MAP3K2: variants seen among roughly 807,000 people sequenced by gnomAD.
MAP3K2 encodes the protein MAP/ERK kinase kinase 2.
MAP3K2 carries 24 observed loss-of-function variants against 80.3 expected under a neutral mutation model. The observed-to-expected ratio is 0.30, with a 90% CI of 0.22 to 0.42. MAP3K2 has a LOEUF of 0.42. Ranked by LOEUF, MAP3K2 falls within the 10% of genes least tolerant of loss-of-function variation. The pLI is 1.00. For missense variants in MAP3K2, 608 were observed against 750.1 expected, an observed-to-expected ratio of 0.81 and a Z score of 2.21; for synonymous variants, 244 against 253.7, an observed-to-expected ratio of 0.96 and a Z score of 0.36.
In MAP3K2 at chr2:127,340,532, C is replaced by CT. The variant is rs1425133106; in HGVS notation, c.5-1483dup. ...ATTAGCCAGGCATGGTGGCAGGTGCCTGTAGTCCCAGCTACTTGGGAGGCT... is the reference window on the plus strand; with the variant it reads ...ATTAGCCAGGCATGGTGGCAGGTGCCTTGTAGTCCCAGCTACTTGGGAGGCT... On this transcript the variant is annotated intron_variant, in intron 2 of 16. Coordinates refer to ENST00000682094, the MANE Select transcript of MAP3K2 (RefSeq NM_001371910.2). Among the ~76,000 whole-genome samples, 11 of 152,240 alleles carry CT rather than the reference C, an allele frequency of 7.2e-5. No homozygotes were observed. The South Asian group carries it at 1.5e-3, about 20-fold the overall frequency.
At chr2:127,369,239 C>T (rs556320838) in intron 1 of MAP3K2, among the ~76,000 whole-genome samples, 28 of 151,322 alleles carry the variant, frequency 1.9e-4, no homozygotes, top group Admixed American at 5.3e-4. Context: ...CATGAGCCAC[C>T]GTGCTCGGCC....
intron 1 of MAP3K2, among the ~76,000 whole-genome samples, chr2:127,348,818 G>C (rs1686642096): frequency 6.6e-6 from 1 of 152,118 alleles, no homozygotes; most frequent in Admixed American, 6.5e-5. Flanking sequence ...TGAATAACTA[G>C]AGATCATTTG....
rs1222919705 is a variant in MAP3K2 at position 127,298,983 on chromosome 2, A to G, written c.*8596T>C. 6.6e-6 allele frequency: 1 copy of G among 152,180 alleles called. No individual in the cohort carries two copies. The highest frequency in any genetic ancestry group is 1.5e-5 in the Non-Finnish European group (1 of 68,040). 9.4% of individuals were successfully genotyped at this position (152,180 alleles called of 1,614,324 possible). A position where few individuals can be genotyped will look rare whatever the true frequency, so the allele number is the denominator to read the frequency against. On this transcript the variant is annotated 3_prime_UTR_variant, in exon 17 of 17. Transcript: ENST00000682094. The stretch of plus-strand genomic sequence containing the variant: ...AAAAGCTATTTACCAGCAAGAAAAA[A>G]CAAGTACCTAGAAATTATAAAACTC...
chr2:127,349,128 TATAAC>T (rs1248939860), intron 1 of MAP3K2, among the ~76,000 whole-genome samples: 2 of 151,994 alleles, frequency 1.3e-5, no homozygotes, highest in African/African-American at 4.8e-5. Context: ...TAACACAGAA[TATAAC>T]ATAAAACAAG....
intron 1 of MAP3K2, among the ~76,000 whole-genome samples, chr2:127,361,185 C>A (rs1451203855): frequency 6.6e-6 from 1 of 151,604 alleles, no homozygotes; most frequent in South Asian, 2.1e-4. Flanking sequence ...TGGTGGCAGG[C>A]GCCTGTAGTC....
chr2:127,347,885 A>G (rs925568074), intron 1 of MAP3K2, among the ~76,000 whole-genome samples: 2 of 152,200 alleles, frequency 1.3e-5, no homozygotes, highest in Admixed American at 6.5e-5. Flanking sequence ...TAGGATGACT[A>G]TAATCAAAAA....
chr2:127,336,299 G>A (rs922279189), intron 4 of MAP3K2, among the ~76,000 whole-genome samples: 3 of 152,200 alleles, frequency 2.0e-5, no homozygotes, highest in Admixed American at 6.5e-5. Context: ...ACTTAACTAT[G>A]TGACATCTGT....
intron 9 of MAP3K2, among the ~76,000 whole-genome samples, 163 bp from the exon 10 acceptor site, chr2:127,324,404 AC>A (rs1450936604): frequency 6.6e-6 from 1 of 152,232 alleles, no homozygotes; most frequent in East Asian, 1.9e-4. Flanking sequence ...AACTACACTT[AC>A]TTGGTACATG....
chr2:127,358,699 G>A (rs1175028453), intron 1 of MAP3K2, among the ~76,000 whole-genome samples: 2 of 152,110 alleles, frequency 1.3e-5, no homozygotes, highest in African/African-American at 4.8e-5. Flanking sequence ...TTGGGAGGCC[G>A]AGGCAGGCAG....
chr2:127,304,267 T>G lies in MAP3K2; in HGVS notation c.*3312A>C, dbSNP rs573374629. ...AATTTTCAAGATATTCATACTGAAA[T>G]TTTCAGTCTGTATACTTTCAAATAC... On this transcript the variant is annotated 3_prime_UTR_variant, in exon 17 of 17. Coordinates refer to ENST00000682094, the MANE Select transcript of MAP3K2 (RefSeq NM_001371910.2). 15 of 152,290 alleles carry G rather than the reference T, an allele frequency of 9.8e-5. No individual in the cohort carries two copies. The highest frequency in any genetic ancestry group is 2.1e-4 in the Non-Finnish European group (14 of 67,996). The allele number at this position is 152,290 out of a possible 1,614,324, so 9.4% of individuals were successfully genotyped here. A position where few individuals can be genotyped will look rare whatever the true frequency, so the allele number is the denominator to read the frequency against.
At position 127,339,144 on chromosome 2, in the gene MAP3K2, T is replaced by C; in HGVS notation, c.5-94A>G. The C allele has an allele frequency of 2.7e-6, 2 of 746,224 alleles. No individual in the cohort carries two copies. Among genetic ancestry groups the C allele is most frequent in the East Asian group, 5.5e-5 (2 of 36,086 alleles). 46.2% of individuals were successfully genotyped at this position (746,224 alleles called of 1,614,324 possible). On this transcript the variant is annotated intron_variant, in intron 2 of 16. Transcript: ENST00000682094. This position sits in a 1 kb window ranked among gnomAD's most constrained non-coding sequence, Gnocchi z 4.2. ...TCAAACACAAAATTTAAAATAAAAT[T>C]TGATGTAGAGAATGTATTAATGCAA...
Position 127,343,209 on chromosome 2 carries a change from C to T in MAP3K2, c.-65-15G>A. 9.8e-7 allele frequency: 1 copy of T among 1,023,428 alleles called. No individual in the cohort carries two copies. Among genetic ancestry groups the T allele is most frequent in the Non-Finnish European group, 1.4e-6 (1 of 692,382 alleles). The allele number at this position is 1,023,428 out of a possible 1,614,324, so 63.4% of individuals were successfully genotyped here. ...TTCTTTATGGCCTGAGAAGATAAAA[C>T]AGATCAGCATATTAATAAAAAGAAA... On this transcript the variant is annotated splice_polypyrimidine_tract_variant and intron_variant, in intron 1 of 16. Transcript: ENST00000682094.
At chr2:127,313,223 G>A (rs1019348711) in intron 15 of MAP3K2, among the ~76,000 whole-genome samples, 12 of 152,154 alleles carry the variant, frequency 7.9e-5, no homozygotes, top group East Asian at 1.9e-4. Flanking sequence ...AGATCCACTC[G>A]GCGGGTAGCT....
rs1314172606 is a variant in MAP3K2 at position 127,364,206 on chromosome 2, T to C, written c.-65-21012A>G. Among the ~76,000 whole-genome samples, 1 of 152,172 alleles carries C rather than the reference T, an allele frequency of 6.6e-6. No homozygotes were observed. Among genetic ancestry groups the C allele is most frequent in the Admixed American group, 6.5e-5 (1 of 15,278 alleles). On this transcript the variant is annotated intron_variant, in intron 1 of 16. Coordinates refer to ENST00000682094, the MANE Select transcript of MAP3K2 (RefSeq NM_001371910.2). This position sits in a 1 kb window ranked among gnomAD's most constrained non-coding sequence, Gnocchi z 4.1. ...CTTGAATACCCATCTCCCCTCTCTT[T>C]AGTAAATCTTACTACTAATTTGCAT...
chr2:127,372,534 A>G (rs1339888038), intron 1 of MAP3K2, among the ~76,000 whole-genome samples: 7 of 152,204 alleles, frequency 4.6e-5, no homozygotes. Context: ...GGGGAAGCGC[A>G]CACAGCCAAG....
intron 1 of MAP3K2, among the ~76,000 whole-genome samples, chr2:127,384,213 G>GATATATATATATATATATATATATATAT (rs35560058): frequency 2.8e-5 from 4 of 144,448 alleles, no homozygotes; most frequent in African/African-American, 1.0e-4. Flanking sequence ...ATTTTTAATT[G>GATATATATATATATATATATATATATAT]ATATATATAT....
intron 1 of MAP3K2, among the ~76,000 whole-genome samples, chr2:127,357,646 T>C (rs1686819134): frequency 1.3e-5 from 2 of 152,200 alleles, no homozygotes; most frequent in Admixed American, 6.5e-5. Context: ...TACAGGTAGA[T>C]AAATGGTTAA....
chr2:127,369,359 G>A (rs372337065), intron 1 of MAP3K2, among the ~76,000 whole-genome samples: 23 of 149,884 alleles, frequency 1.5e-4, no homozygotes, highest in Admixed American at 6.6e-4. Flanking sequence ...TAGGCTGGGC[G>A]CGGTGGCTCA....
At chr2:127,318,861 G>A (rs112695796) in intron 12 of MAP3K2, among the ~76,000 whole-genome samples, 2 of 152,168 alleles carry the variant, frequency 1.3e-5, no homozygotes, top group African/African-American at 4.8e-5. Context: ...CAGAAGCACT[G>A]GCTCACTTGT....
Sources: gnomAD v4.1 joint callset for allele counts (sites outside exome capture counted in the v4.1 genomes callset) on GRCh38, gnomAD v4.1.1 for gene constraint, Gnocchi (gnomAD v3.1) non-coding constraint, MANE v1.5 for transcripts, NCBI Gene and HGNC (gene_info 2026-07-23, HGNC 2026-07-21) for gene names.